SNRPN: variants seen among roughly 807,000 people sequenced by gnomAD.
SNRPN encodes small nuclear ribonucleoprotein-associated protein N.
Under a neutral mutation model 25.2 loss-of-function variants are expected in SNRPN, and 7 were observed. The ratio of observed to expected loss-of-function variants is 0.28; its 90% CI spans 0.16 to 0.52. The LOEUF (loss-of-function observed/expected upper bound fraction) is 0.52, where lower values mean the gene tolerates loss of function less well. Ranked by LOEUF, SNRPN falls within the 20% of genes least tolerant of loss-of-function variation. The probability of loss-of-function intolerance (pLI) is 0.96; values close to 1 mark genes in which losing one functional copy is unlikely to be tolerated. For synonymous variants in SNRPN, 124 were observed against 110.6 expected (o/e 1.12, Z -0.76); for missense variants, 196 against 322.5 (o/e 0.61, Z 3.00).
chr15:24,893,176 C>G (rs759320816), intron 2 of SNRPN, among the ~76,000 whole-genome samples: 13 of 151,982 alleles, frequency 8.6e-5, no homozygotes, highest in Non-Finnish European at 1.2e-4. Flanking sequence ...CCACTGCACT[C>G]CAGCCTGGGT....
chr15:24,909,683 A>AGT, intron 2 of SNRPN: 1 of 1,239,190 alleles, frequency 8.1e-7, no homozygotes. Flanking sequence ...CCTGTATTTG[A>AGT]GTGTGTTGTA....
In SNRPN at chr15:24,894,272, G is replaced by A. The variant is rs111748815; in HGVS notation, c.-505+7683G>A. On this transcript the variant is annotated intron_variant, in intron 2 of 11. Coordinates refer to the SNRPN transcript ENST00000400097. ...CTCGCTCTGTCGCCCAGGCTGGAGC[G>A]CAGTGGTGTGATCTCGGCTCACTGC... Among the ~76,000 whole-genome samples the A allele has an allele frequency of 3.5e-3, 536 of 151,668 alleles. 3 individuals are homozygous for A. Among genetic ancestry groups the A allele is most frequent in the African/African-American group, 0.012 (507 of 41,256 alleles).
At chr15:24,918,420 G>GCATATATATAACATAATATATATGTGCA (rs370058987) in intron 2 of SNRPN, among the ~76,000 whole-genome samples, 3 of 36,774 alleles carry the variant, frequency 8.2e-5, no homozygotes, top group Admixed American at 3.1e-4. Flanking sequence ...ATATATATGT[G>GCATATATATAACATAATATATATGTGCA]TATATATAAC....
At chr15:24,961,685 A>G (rs1469617639) in intron 1 of SNRPN, among the ~76,000 whole-genome samples, 2 of 152,162 alleles carry the variant, frequency 1.3e-5, no homozygotes, top group African/African-American at 4.8e-5. Flanking sequence ...ACTATGTTCT[A>G]TTCCACTATA....
At chr15:24,921,505 G>T (rs202066357) in intron 3 of SNRPN, among the ~76,000 whole-genome samples, 4 of 152,296 alleles carry the variant, frequency 2.6e-5, no homozygotes, top group Non-Finnish European at 5.9e-5. Flanking sequence ...AGGCATGGGG[G>T]TTAGTTGTAA....
rs546345564 is a variant in SNRPN, at chr15:24,905,028, G to A, written c.-504-14983G>A. The stretch of plus-strand genomic sequence containing the variant: ...CTTGGGAGGCTGAGGCAGGAGAATC[G>A]CTTGAACCCAGAATTCAGAGGTTGC... On this transcript the variant is annotated intron_variant, in intron 2 of 11. Coordinates refer to the SNRPN transcript ENST00000400097. 5.9e-4 allele frequency among the ~76,000 whole-genome samples: 89 copies of A among 149,714 alleles called. 1 individual carries two copies. Among genetic ancestry groups the A allele is most frequent in the African/African-American group, 1.7e-3 (69 of 40,536 alleles).
In SNRPN at chr15:24,881,584, GGAGAGAGAGAGAGAGAGAGA is replaced by G. The variant is rs1157961647; in HGVS notation, c.-578-4915_-578-4896del. Among the ~76,000 whole-genome samples the G allele has an allele frequency of 7.3e-3, 419 of 57,500 alleles. 5 individuals are homozygous for G. The highest frequency in any genetic ancestry group is 0.023 in the Middle Eastern group (2 of 86). The allele number at this position is 57,500 out of a possible 152,430, so 37.7% of individuals were successfully genotyped here. On this transcript the variant is annotated intron_variant, in intron 1 of 11. Coordinates refer to the SNRPN transcript ENST00000400097. ...GGGAGGGAGGGAGGGAGGGAGGGAG[GGAGAGAGAGAGAGAGAGAGA>G]GAGAGAGAGAGAGAGAAAGTCACAG...
intron 2 of SNRPN, among the ~76,000 whole-genome samples, chr15:24,888,926 A>ATT (rs35357760): frequency 4.7e-5 from 7 of 150,376 alleles, no homozygotes; most frequent in African/African-American, 1.7e-4. Flanking sequence ...TTCTTTTTTT[A>ATT]TTTTTTTTTG....
chr15:24,937,367 G>A (rs567096319), intron 3 of SNRPN, among the ~76,000 whole-genome samples: 8 of 151,726 alleles, frequency 5.3e-5, no homozygotes, highest in African/African-American at 1.4e-4. Flanking sequence ...CAAAAAAAAC[G>A]AAAAAGCAAG....
chr15:24,914,939 A>G (rs1053153885), intron 2 of SNRPN, among the ~76,000 whole-genome samples: 1 of 151,876 alleles, frequency 6.6e-6, no homozygotes, highest in African/African-American at 2.4e-5. Context: ...TAGTGGGTGA[A>G]GGAATGGAAA....
chr15:24,902,436 T>C (rs543528524), intron 2 of SNRPN, among the ~76,000 whole-genome samples: 97 of 152,314 alleles, frequency 6.4e-4, no homozygotes, highest in Middle Eastern at 3.4e-3. Flanking sequence ...GGATTTTTGT[T>C]CCAGGAAAGA....
chr15:24,939,796 T>C (rs940786104), intron 3 of SNRPN, among the ~76,000 whole-genome samples: 1 of 151,512 alleles, frequency 6.6e-6, no homozygotes, highest in African/African-American at 2.4e-5. Context: ...TTCTTTTTTT[T>C]TTTTTCTTTT....
intron 2 of SNRPN, among the ~76,000 whole-genome samples, chr15:24,897,894 GAT>G (rs2058179414): frequency 6.6e-6 from 1 of 152,102 alleles, no homozygotes; most frequent in Non-Finnish European, 1.5e-5. Context: ...CCCAGTCTCA[GAT>G]ATGTCTTTAT....
intron 2 of SNRPN, among the ~76,000 whole-genome samples, chr15:24,845,049 G>A (rs1427058084): frequency 6.6e-6 from 1 of 151,968 alleles, no homozygotes; most frequent in African/African-American, 2.4e-5. Context: ...TGTTTTAGGA[G>A]CTTTTGCTAC....
chr15:24,928,843 AAC>A (rs2060598263), intron 3 of SNRPN, among the ~76,000 whole-genome samples: 1 of 151,998 alleles, frequency 6.6e-6, no homozygotes, highest in South Asian at 2.1e-4. Context: ...CCTGGCCTAA[AAC>A]AATCTTCCTG....
chr15:24,826,618 A>G (rs2050098665), intron 1 of SNRPN, among the ~76,000 whole-genome samples: 1 of 152,120 alleles, frequency 6.6e-6, no homozygotes, highest in Admixed American at 6.5e-5. Flanking sequence ...CAAAGGAACA[A>G]TGTGAATGAA....
intron 3 of SNRPN, among the ~76,000 whole-genome samples, chr15:24,943,028 CTTT>C (rs555593497): frequency 6.9e-6 from 1 of 145,688 alleles, no homozygotes; most frequent in Non-Finnish European, 1.5e-5. Flanking sequence ...ATGTCTTTAC[CTTT>C]TTTTTTTTTT....
intron 3 of SNRPN, chr15:24,942,443 T>C (rs1323990061): frequency 2.0e-5 from 3 of 152,204 alleles, no homozygotes; most frequent in Non-Finnish European, 4.4e-5. Context: ...ATCATCTGCC[T>C]TAGGATGGCG....
chr15:24,930,342 A>G lies in SNRPN; in HGVS notation c.-391+10218A>G, dbSNP rs561993889. ...GAGATGGAGAAATATATTATTTTACATGAGGGCAAAAAATATTTTATGCAT... is the reference window on the plus strand; with the variant it reads ...GAGATGGAGAAATATATTATTTTACGTGAGGGCAAAAAATATTTTATGCAT... On this transcript the variant is annotated intron_variant, in intron 3 of 11. Coordinates refer to the SNRPN transcript ENST00000400097. Among the ~76,000 whole-genome samples the G allele has an allele frequency of 1.2e-4, 18 of 151,712 alleles. No homozygotes were observed. In the South Asian group the frequency reaches 2.3e-3, roughly 19 times the overall value.
Sources: gnomAD v4.1 joint callset for allele counts (sites outside exome capture counted in the v4.1 genomes callset) on GRCh38, gnomAD v4.1.1 for gene constraint, MANE v1.5 for transcripts, NCBI Gene and HGNC (gene_info 2026-07-23, HGNC 2026-07-21) for gene names.